The following SPIDR variants were observed in gnomAD, a reference collection of about 807,000 sequenced individuals.
The protein encoded by SPIDR is DNA repair-scaffolding protein.
SPIDR carries 93 observed loss-of-function variants against 104.6 expected under a neutral mutation model. The observed-to-expected ratio is 0.89, with a 90% confidence interval of 0.75 to 1.06. The LOEUF (loss-of-function observed/expected upper bound fraction) is 1.06, where lower values mean the gene tolerates loss of function less well. Among genes scored for constraint, SPIDR ranks in the 50% least tolerant of loss-of-function variants. SPIDR has a pLI of 0.00. For missense variants in SPIDR, 1,154 were observed against 1,111.2 expected, an observed-to-expected ratio of 1.04 and a Z score of -0.55; for synonymous variants, 431 against 416.9, an observed-to-expected ratio of 1.03 and a Z score of -0.41.
chr8:47,293,478 G>A (rs947897757), intron 4 of SPIDR, among the ~76,000 whole-genome samples: 2 of 152,076 alleles, frequency 1.3e-5, no homozygotes, highest in Admixed American at 6.6e-5. Flanking sequence ...ACAGAGTCTC[G>A]TTCTGTTGCC....
chr8:47,420,912 T>G (rs1042084681), intron 7 of SPIDR, among the ~76,000 whole-genome samples: 32 of 152,262 alleles, frequency 2.1e-4, no homozygotes, highest in African/African-American at 7.5e-4. Context: ...GAAAATTATT[T>G]TCTTTAAGAA....
intron 1 of SPIDR, among the ~76,000 whole-genome samples, chr8:47,275,752 G>A (rs915075716): frequency 3.3e-5 from 5 of 152,172 alleles, no homozygotes; most frequent in Non-Finnish European, 7.3e-5. Flanking sequence ...ACGTAATTTT[G>A]TATTTAGTAA....
At chr8:47,435,789 G>A (rs2068202236) in intron 7 of SPIDR, among the ~76,000 whole-genome samples, 1 of 152,194 alleles carries the variant, frequency 6.6e-6, no homozygotes, top group Non-Finnish European at 1.5e-5. Flanking sequence ...CAAGCCCTAT[G>A]TCTTAGCATA....
intron 10 of SPIDR, among the ~76,000 whole-genome samples, chr8:47,610,549 C>G (rs913057744): frequency 1.3e-5 from 2 of 152,244 alleles, no homozygotes; most frequent in African/African-American, 4.8e-5. Context: ...TGCCCTCTCT[C>G]CCAGCTGCTG....
chr8:47,471,060 A>G (rs1156785965), intron 8 of SPIDR, among the ~76,000 whole-genome samples: 3 of 152,192 alleles, frequency 2.0e-5, no homozygotes, highest in East Asian at 1.9e-4. Context: ...AGCCAAAACT[A>G]TAAAACCATT....
intron 11 of SPIDR, among the ~76,000 whole-genome samples, chr8:47,683,912 G>A (rs1190173839): frequency 6.6e-6 from 1 of 151,968 alleles, no homozygotes; most frequent in African/African-American, 2.4e-5. Flanking sequence ...GGATCACGAG[G>A]TCAGGAGATC....
At chr8:47,468,985 A>AT (rs2075293019) in intron 8 of SPIDR, among the ~76,000 whole-genome samples, 1 of 152,224 alleles carries the variant, frequency 6.6e-6, no homozygotes, top group Non-Finnish European at 1.5e-5. Context: ...GAACTTAAAC[A>AT]TATTTACAAG....
intron 7 of SPIDR, chr8:47,419,333 T>G (rs1307579349): frequency 3.9e-5 from 6 of 152,210 alleles, no homozygotes; most frequent in Admixed American, 3.9e-4. Context: ...AACTTCTTCC[T>G]GGTTTAGTCT....
At chr8:47,514,169 T>C (rs1021104011) in intron 8 of SPIDR, among the ~76,000 whole-genome samples, 4 of 152,348 alleles carry the variant, frequency 2.6e-5, no homozygotes, top group Middle Eastern at 3.4e-3. Context: ...ATATGCCTGC[T>C]TGTGTCCTGT....
chr8:47,439,947 TAAG>T lies in SPIDR; in HGVS notation c.878-370_878-368del, dbSNP rs1366069645. 5.3e-5 allele frequency among the ~76,000 whole-genome samples: 8 copies of T among 152,306 alleles called. No homozygotes were observed. In the South Asian group the frequency reaches 1.7e-3, roughly 32 times the overall value. ...GATAATAAAGAGGAGGGTCCATCCT[TAAG>T]AAGAATCCACAGTGGCCATATTCTC... On this transcript the variant is annotated intron_variant, in intron 7 of 19. Coordinates refer to ENST00000297423, the MANE Select transcript of SPIDR (RefSeq NM_001080394.4).
intron 8 of SPIDR, among the ~76,000 whole-genome samples, chr8:47,493,948 C>G (rs2079082504): frequency 6.6e-6 from 1 of 152,094 alleles, no homozygotes; most frequent in Non-Finnish European, 1.5e-5. Context: ...CTTCAAAAAG[C>G]ATAAGGGGGA....
intron 8 of SPIDR, among the ~76,000 whole-genome samples, chr8:47,534,416 T>G (rs2086566253): frequency 6.6e-6 from 1 of 152,052 alleles, no homozygotes; most frequent in Admixed American, 6.6e-5. Context: ...ACAAAGAAAA[T>G]GTACATATAC....
chr8:47,682,978 G>T (rs2077289134), intron 11 of SPIDR, among the ~76,000 whole-genome samples: 1 of 152,134 alleles, frequency 6.6e-6, no homozygotes, highest in Non-Finnish European at 1.5e-5. Context: ...AGCATGCAAA[G>T]GGAAGACAAG....
chr8:47,404,104 G>T (rs2062345713), intron 6 of SPIDR, among the ~76,000 whole-genome samples: 4 of 152,312 alleles, frequency 2.6e-5, no homozygotes, highest in Middle Eastern at 6.8e-3. Context: ...ATGGGGAAAG[G>T]ATTCCCTATT....
intron 7 of SPIDR, among the ~76,000 whole-genome samples, chr8:47,411,518 G>A (rs1257321561): frequency 6.6e-6 from 1 of 151,960 alleles, no homozygotes; most frequent in Non-Finnish European, 1.5e-5. Flanking sequence ...TTTTTTTCTT[G>A]TAAATTTGTT....
intron 5 of SPIDR, among the ~76,000 whole-genome samples, chr8:47,365,520 C>A (rs1313215753): frequency 6.6e-6 from 1 of 152,154 alleles, no homozygotes; most frequent in African/African-American, 2.4e-5. Flanking sequence ...GTACCCTCAT[C>A]TGTTTAGCTG....
At chr8:47,659,310 T>G (rs999775278) in intron 10 of SPIDR, among the ~76,000 whole-genome samples, 1 of 152,202 alleles carries the variant, frequency 6.6e-6, no homozygotes, top group Non-Finnish European at 1.5e-5. Flanking sequence ...GTTGTCACTT[T>G]TAGCAAAGTA....
At chr8:47,500,739 T>A (rs377397783) in intron 8 of SPIDR, among the ~76,000 whole-genome samples, 1 of 152,320 alleles carries the variant, frequency 6.6e-6, no homozygotes, top group Non-Finnish European at 1.5e-5. Flanking sequence ...CTGAATGGTA[T>A]TGCCTAGGTT....
intron 5 of SPIDR, among the ~76,000 whole-genome samples, chr8:47,377,219 C>T (rs1554643022): frequency 6.6e-6 from 1 of 152,066 alleles, no homozygotes; most frequent in African/African-American, 2.4e-5. Flanking sequence ...TGATTACCAC[C>T]AGGGTTGTAT....
Sources: gnomAD v4.1 joint callset for allele counts (sites outside exome capture counted in the v4.1 genomes callset) on GRCh38, gnomAD v4.1.1 for gene constraint, MANE v1.5 for transcripts, NCBI Gene and HGNC (gene_info 2026-07-23, HGNC 2026-07-21) for gene names.